The following CPA6 variants were observed in gnomAD, a reference collection of about 807,000 sequenced individuals.
The protein encoded by CPA6 is carboxypeptidase B.
A neutral mutation model predicts 63.3 loss-of-function variants in CPA6; 58 were observed. The ratio of observed to expected loss-of-function variants is 0.92; its 90% CI spans 0.74 to 1.14. The LOEUF (loss-of-function observed/expected upper bound fraction) is 1.14. Among genes scored for constraint, CPA6 ranks in the 50% most tolerant of loss-of-function variants. CPA6 has a pLI of 0.00. For synonymous variants in CPA6, 185 were observed against 179.0 expected, an observed-to-expected ratio of 1.03 and a Z score of -0.27; for missense variants, 565 against 526.6, an observed-to-expected ratio of 1.07 and a Z score of -0.71.
At chr8:67,526,051 C>CT (rs1167686050) in intron 2 of CPA6, among the ~76,000 whole-genome samples, 1 of 152,144 alleles carries the variant, frequency 6.6e-6, no homozygotes, top group Non-Finnish European at 1.5e-5. Flanking sequence ...CGCTCATTAG[C>CT]TTGTTGCAAC....
intron 6 of CPA6, among the ~76,000 whole-genome samples, chr8:67,485,627 C>A (rs1441861336): frequency 6.6e-6 from 1 of 152,052 alleles, no homozygotes; most frequent in East Asian, 1.9e-4. Context: ...ACAGTTAGAT[C>A]GAGTTTGGTA....
At chr8:67,594,579 T>C (rs1490659000) in intron 2 of CPA6, among the ~76,000 whole-genome samples, 2 of 152,142 alleles carry the variant, frequency 1.3e-5, no homozygotes, top group South Asian at 2.1e-4. Flanking sequence ...AGGCTTTGTT[T>C]GTTTCTTTTT....
Position 67,715,229 on chromosome 8 carries a change from C to G in CPA6, c.116+30785G>C, listed in dbSNP as rs189492622. Among the ~76,000 whole-genome samples the G allele has an allele frequency of 2.7e-3, 409 of 152,292 alleles. 4 individuals are homozygous for G. Among genetic ancestry groups the G allele is most frequent in the African/African-American group, 9.6e-3 (397 of 41,558 alleles). On this transcript the variant is annotated intron_variant, in intron 1 of 10. Coordinates refer to ENST00000297770, the MANE Select transcript of CPA6 (RefSeq NM_020361.5). ...CAGGTTAAGGGCTCAGCCAGCCTCA[C>G]AAGCCTGCCTCTACTTCCAATGCCA...
At chr8:67,605,935 C>G (rs1008041965) in intron 2 of CPA6, among the ~76,000 whole-genome samples, 4 of 152,054 alleles carry the variant, frequency 2.6e-5, no homozygotes, top group African/African-American at 9.7e-5. Flanking sequence ...ATAGGGGGAA[C>G]TCATCACTTC....
chr8:67,729,055 T>C (rs1261298745), intron 1 of CPA6, among the ~76,000 whole-genome samples: 1 of 152,204 alleles, frequency 6.6e-6, no homozygotes, highest in African/African-American at 2.4e-5. Context: ...GTCACCTGAC[T>C]CCTTATCCTG....
chr8:67,606,497 G>C (rs1216257480), intron 2 of CPA6, among the ~76,000 whole-genome samples: 1 of 152,056 alleles, frequency 6.6e-6, no homozygotes, highest in East Asian at 1.9e-4. Flanking sequence ...TATGCTCTAA[G>C]ACATACAAAC....
At chr8:67,666,755 C>T (rs542962599) in intron 1 of CPA6, among the ~76,000 whole-genome samples, 37 of 152,162 alleles carry the variant, frequency 2.4e-4, no homozygotes, top group African/African-American at 8.7e-4. Context: ...CAGCTCTCTT[C>T]TCTGGGGCAT....
chr8:67,591,092 C>A (rs1189028372), intron 2 of CPA6, among the ~76,000 whole-genome samples: 5 of 151,326 alleles, frequency 3.3e-5, no homozygotes, highest in African/African-American at 4.8e-5. Flanking sequence ...CCAGTTTCAG[C>A]TTTCTACATA....
At chr8:67,472,002 G>A (rs891593844) in intron 8 of CPA6, among the ~76,000 whole-genome samples, 3 of 152,180 alleles carry the variant, frequency 2.0e-5, no homozygotes, top group African/African-American at 7.2e-5. Flanking sequence ...AAATGATACA[G>A]CTGGAGGAAA....
intron 1 of CPA6, among the ~76,000 whole-genome samples, chr8:67,722,954 A>C (rs984320232): frequency 6.6e-6 from 1 of 151,692 alleles, no homozygotes; most frequent in East Asian, 1.9e-4. Context: ...TTTCCTCCCC[A>C]CCAAAAGAAA....
intron 2 of CPA6, among the ~76,000 whole-genome samples, chr8:67,536,267 A>C (rs1347387411): frequency 6.6e-6 from 1 of 152,176 alleles, no homozygotes; most frequent in African/African-American, 2.4e-5. Context: ...ATAGCATTGA[A>C]TCTATACATT....
intron 8 of CPA6, among the ~76,000 whole-genome samples, chr8:67,443,012 C>G (rs909517860): frequency 6.6e-6 from 1 of 152,054 alleles, no homozygotes; most frequent in African/African-American, 2.4e-5. Flanking sequence ...TCTTTTCCCT[C>G]TCTTTTCATA....
intron 1 of CPA6, among the ~76,000 whole-genome samples, chr8:67,676,969 C>G (rs1240510888): frequency 6.6e-6 from 1 of 152,104 alleles, no homozygotes; most frequent in East Asian, 1.9e-4. Flanking sequence ...TATACACATA[C>G]TCTGTGTTTG....
rs181802648 is a variant in CPA6, at chr8:67,468,036, C to T, written c.838+15732G>A. 8.6e-3 allele frequency among the ~76,000 whole-genome samples: 1,304 copies of T among 151,628 alleles called. 20 individuals carry two copies. Among genetic ancestry groups the T allele is most frequent in the African/African-American group, 0.03 (1,222 of 41,322 alleles). ...TCATGCCACTGCACTCCAGCCTGGG[C>T]GACAGAACGGGACACCATCTCAAAC... On this transcript the variant is annotated intron_variant, in intron 8 of 10. Transcript: ENST00000297770.
At chr8:67,700,257 T>C (rs1231253330) in intron 1 of CPA6, among the ~76,000 whole-genome samples, 1 of 152,248 alleles carries the variant, frequency 6.6e-6, no homozygotes, top group Non-Finnish European at 1.5e-5. Context: ...ACAATAATCA[T>C]GGTTACAAGT....
intron 1 of CPA6, among the ~76,000 whole-genome samples, chr8:67,642,793 T>TCACACACACACACACACACACACACACA (rs61054637): frequency 6.9e-6 from 1 of 145,074 alleles, no homozygotes; most frequent in Non-Finnish European, 1.5e-5. Context: ...GGCCTTTATC[T>TCACACACACACACACACACACACACACA]CACACACACA....
chr8:67,594,694 C>T (rs556779317), intron 2 of CPA6, among the ~76,000 whole-genome samples: 2 of 152,320 alleles, frequency 1.3e-5, no homozygotes, highest in Non-Finnish European at 2.9e-5. Flanking sequence ...CTTCTGCATT[C>T]TTCATGTAGT....
intron 8 of CPA6, among the ~76,000 whole-genome samples, chr8:67,438,821 A>G (rs1295456096): frequency 6.6e-6 from 1 of 152,116 alleles, no homozygotes; most frequent in Non-Finnish European, 1.5e-5. Flanking sequence ...TTGTTGGTCT[A>G]TTTTGAAAAG....
chr8:67,434,426 C>T (rs898435961), intron 8 of CPA6, among the ~76,000 whole-genome samples, 186 bp from the exon 9 acceptor site: 1 of 152,202 alleles, frequency 6.6e-6, no homozygotes, highest in African/African-American at 2.4e-5. Flanking sequence ...AGTTCCCATG[C>T]ACAACAGGAG....
Sources: gnomAD v4.1 joint callset for allele counts (sites outside exome capture counted in the v4.1 genomes callset) on GRCh38, gnomAD v4.1.1 for gene constraint, MANE v1.5 for transcripts, NCBI Gene and HGNC (gene_info 2026-07-23, HGNC 2026-07-21) for gene names.